PDE1C: variants seen among roughly 807,000 people sequenced by gnomAD.
PDE1C encodes dual specificity calcium/calmodulin-dependent 3',5'-cyclic nucleotide phosphodiesterase 1C.
Under a neutral mutation model 93.1 loss-of-function variants are expected in PDE1C, and 62 were observed. That is an observed-to-expected ratio of 0.67 (90% CI 0.54 to 0.82). The LOEUF is 0.82. Ranked by LOEUF, PDE1C falls within the 40% of genes least tolerant of loss-of-function variation. PDE1C has a pLI of 0.00. For missense variants in PDE1C, 742 were observed against 884.6 expected (o/e 0.84, Z 2.04); for synonymous variants, 325 against 310.1 (o/e 1.05, Z -0.50).
At chr7:31,643,979 G>A in the PDE1C span, 4 of 1,573,708 alleles carry the variant, frequency 2.5e-6, no homozygotes, top group South Asian at 4.7e-5. Context: ...GGCAAAGATG[G>A]AAAGGCAGAT....
chr7:31,916,045 G>C (rs1000107191), intron 2 of PDE1C, among the ~76,000 whole-genome samples: 4 of 139,534 alleles, frequency 2.9e-5, no homozygotes, highest in African/African-American at 6.7e-5. Context: ...TGCCAGGTAT[G>C]GGGGGGGCAC....
At chr7:32,299,587 A>C (rs1353201215), upstream of PDE1C, among the ~76,000 whole-genome samples, 1 of 152,216 alleles carries the variant, frequency 6.6e-6, no homozygotes, top group Non-Finnish European at 1.5e-5. Flanking sequence ...ATATCTTACC[A>C]ATCCCATAGC....
At chr7:32,002,506 G>GC (rs1785604621) in intron 2 of PDE1C, among the ~76,000 whole-genome samples, 1 of 152,208 alleles carries the variant, frequency 6.6e-6, no homozygotes, top group African/African-American at 2.4e-5. Context: ...GATCCACAGA[G>GC]TCCACTTCGG....
At chr7:32,229,042 C>T (rs900130134) in intron 1 of PDE1C, among the ~76,000 whole-genome samples, 1 of 152,234 alleles carries the variant, frequency 6.6e-6, no homozygotes, top group Non-Finnish European at 1.5e-5. Flanking sequence ...CCAAGCCCCA[C>T]TCTAATGAGG....
chr7:31,676,162 G>A, the PDE1C span, among the ~76,000 whole-genome samples: 1 of 152,092 alleles, frequency 6.6e-6, no homozygotes, highest in African/African-American at 2.4e-5. Flanking sequence ...CTAAGCCAAG[G>A]GCTGTCCACA....
At chr7:32,355,759 T>C (rs1784018843) in intron 1 of PDE1C, among the ~76,000 whole-genome samples, 1 of 152,178 alleles carries the variant, frequency 6.6e-6, no homozygotes, top group Admixed American at 6.5e-5. Context: ...AACTCCCTGG[T>C]TTGTCCCAGA....
chr7:31,873,555 C>A, intron 5 of PDE1C, 147 bp from the exon 6 acceptor site: 1 of 606,410 alleles, frequency 1.6e-6, no homozygotes, highest in Non-Finnish European at 3.0e-6. Flanking sequence ...CAAACTTTTT[C>A]CAATCTGGCT....
intron 3 of PDE1C, among the ~76,000 whole-genome samples, chr7:32,112,842 GTGTGTATA>G (rs1370273988): frequency 2.4e-3 from 122 of 50,654 alleles, no homozygotes; most frequent in East Asian, 9.6e-3. Context: ...GTGTGTGTGT[GTGTGTATA>G]TATATATATA....
chr7:31,994,094 G>T (rs1471666357), intron 2 of PDE1C, among the ~76,000 whole-genome samples: 10 of 152,060 alleles, frequency 6.6e-5, no homozygotes, highest in Admixed American at 6.6e-4. Flanking sequence ...AGTCACCAAA[G>T]CAGTAGCAAG....
At chr7:32,245,628 TAGTC>T (rs1808871151) in intron 1 of PDE1C, among the ~76,000 whole-genome samples, 1 of 152,198 alleles carries the variant, frequency 6.6e-6, no homozygotes, top group South Asian at 2.1e-4. Context: ...ATCAGCATCT[TAGTC>T]TGTCTGGGTT....
At chr7:31,682,057 C>A in the PDE1C span, among the ~76,000 whole-genome samples, 1 of 152,128 alleles carries the variant, frequency 6.6e-6, no homozygotes, top group South Asian at 2.1e-4. Flanking sequence ...TTGTCTCTAC[C>A]AATTCTTAGC....
At chr7:31,796,673 G>A (rs973949428) in intron 16 of PDE1C, among the ~76,000 whole-genome samples, 14 of 151,562 alleles carry the variant, frequency 9.2e-5, no homozygotes, top group Non-Finnish European at 3.0e-5. Context: ...GGTTAACACC[G>A]TTTGGCCACT....
chr7:32,135,828 T>C (rs772673323), intron 3 of PDE1C, among the ~76,000 whole-genome samples: 8 of 152,218 alleles, frequency 5.3e-5, no homozygotes, highest in Non-Finnish European at 8.8e-5. Context: ...TTCATGTTCA[T>C]TGCAGCATTC....
chr7:32,185,416 A>G (rs1803787500), intron 2 of PDE1C, among the ~76,000 whole-genome samples: 1 of 152,070 alleles, frequency 6.6e-6, no homozygotes, highest in African/African-American at 2.4e-5. Context: ...TTCTTCTTTT[A>G]CGTTGTTTTT....
At chr7:31,998,272 G>T (rs1435909071) in intron 2 of PDE1C, among the ~76,000 whole-genome samples, 1 of 152,106 alleles carries the variant, frequency 6.6e-6, no homozygotes, top group South Asian at 2.1e-4. Context: ...TCCCGCCTTG[G>T]CCTCCCAAAG....
the PDE1C span, among the ~76,000 whole-genome samples, chr7:31,679,746 G>A: frequency 4.6e-5 from 7 of 152,270 alleles, 1 homozygote; most frequent in African/African-American, 1.4e-4. Context: ...CCATCTGGTA[G>A]CTGGCATCAA....
At chr7:32,416,559 A>C (rs142729683) in intron 1 of PDE1C, among the ~76,000 whole-genome samples, 1 of 152,106 alleles carries the variant, frequency 6.6e-6, no homozygotes. Flanking sequence ...TGATTAAACT[A>C]TACATACAAT....
chr7:32,376,160 A>AAAAGAAAG (rs758590235), intron 1 of PDE1C, among the ~76,000 whole-genome samples: 1 of 148,862 alleles, frequency 6.7e-6, no homozygotes, highest in Non-Finnish European at 1.5e-5. Flanking sequence ...CTCTGTCAAA[A>AAAAGAAAG]AAAGAAAGAA....
At chr7:31,655,340 C>T in the PDE1C span, among the ~76,000 whole-genome samples, 1 of 152,144 alleles carries the variant, frequency 6.6e-6, no homozygotes, top group Non-Finnish European at 1.5e-5. Context: ...AGTCTACTGC[C>T]ACAAAATACC....
Sources: allele counts gnomAD v4.1 joint callset (sites outside exome capture counted in the v4.1 genomes callset), GRCh38; gene constraint gnomAD v4.1.1; transcripts MANE v1.5; gene names NCBI Gene and HGNC (gene_info 2026-07-23, HGNC 2026-07-21).